The following MAPKAPK5 variants were observed in gnomAD, a reference collection of about 807,000 sequenced individuals.
MAPKAPK5 encodes the protein MAP kinase-activated protein kinase 5.
Under a neutral mutation model 65.1 loss-of-function variants are expected in MAPKAPK5, and 30 were observed. The observed-to-expected ratio is 0.46, with a 90% CI of 0.34 to 0.63. The LOEUF is 0.63. MAPKAPK5 is among the 20% of genes least tolerant of loss of function. MAPKAPK5 has a pLI of 0.01. For synonymous variants in MAPKAPK5, 179 were observed against 204.6 expected, an observed-to-expected ratio of 0.87 and a Z score of 1.07; for missense variants, 433 against 581.4, an observed-to-expected ratio of 0.74 and a Z score of 2.63.
intron 3 of MAPKAPK5, 108 bp from the exon 4 acceptor site, chr12:111,867,464 A>G: frequency 1.4e-6 from 1 of 707,366 alleles, no homozygotes; most frequent in Non-Finnish European, 2.4e-6. Flanking sequence ...CATCATTCTA[A>G]GTGATAAAGT....
At position 111,842,661 on chromosome 12, in the gene MAPKAPK5, G is replaced by A. The variant is rs1271185799; in HGVS notation, c.-73G>A. The A allele has an allele frequency of 2.5e-6, 3 of 1,191,114 alleles. No individual in the cohort carries two copies. The highest frequency in any genetic ancestry group is 1.1e-6 in the Non-Finnish European group (1 of 921,674). The allele number at this position is 1,191,114 out of a possible 1,614,324, so 73.8% of individuals were successfully genotyped here. On this transcript the variant is annotated 5_prime_UTR_variant, in exon 1 of 14. Transcript: ENST00000550735. The stretch of plus-strand genomic sequence containing the variant: ...CAGGGGCCCGAGTGCCGAGCCCTTT[G>A]CTCCCTCGGCCGCGCGGGGACAGGG...
chr12:111,881,401 TCC>T (rs1566266445), intron 8 of MAPKAPK5, among the ~76,000 whole-genome samples: 17 of 107,940 alleles, frequency 1.6e-4, no homozygotes, highest in East Asian at 1.6e-3. Context: ...TCCTGTCTGT[TCC>T]TTTTTTTTTT....
chr12:111,900,391 A>G lies in MAPKAPK5; in HGVS notation c.*7330A>G, dbSNP rs1161262560. Reference sequence around the variant, plus strand: ...CTCGGGCACAACCTGGGTATTCAGCACGACCACTCGGCCTGCTTTTGTAAA... The same window carrying G: ...CTCGGGCACAACCTGGGTATTCAGCGCGACCACTCGGCCTGCTTTTGTAAA... On this transcript the variant is annotated 3_prime_UTR_variant, in exon 14 of 14. Coordinates refer to ENST00000550735, the MANE Select transcript of MAPKAPK5 (RefSeq NM_003668.4). 1.1e-5 allele frequency: 5 copies of G among 455,956 alleles called. No homozygotes were observed. Among genetic ancestry groups the G allele is most frequent in the Non-Finnish European group, 2.2e-5 (5 of 226,796 alleles). 28.2% of individuals were successfully genotyped at this position (455,956 alleles called of 1,614,324 possible).
chr12:111,862,368 CTT>C lies in MAPKAPK5; in HGVS notation c.37-2880_37-2879del. 1.3e-5 allele frequency among the ~76,000 whole-genome samples: 2 copies of C among 152,300 alleles called. 1 individual carries two copies. Among genetic ancestry groups the C allele is most frequent in the Middle Eastern group, 6.8e-3 (2 of 294 alleles). ...CCAATCAGAGTCTCTACAAGTTGAA[CTT>C]TCTTGGCTGTCCATCAGGTAGAGTA... On this transcript the variant is annotated intron_variant, in intron 1 of 13. Transcript: ENST00000550735.
At chr12:111,859,524 C>CA (rs1211323963) in intron 1 of MAPKAPK5, among the ~76,000 whole-genome samples, 2 of 152,108 alleles carry the variant, frequency 1.3e-5, no homozygotes, top group African/African-American at 2.4e-5. Context: ...CTTGGCCTCC[C>CA]AAGTGCTGGG....
chr12:111,866,121 A>G, intron 2 of MAPKAPK5, 35 bp from the exon 3 acceptor site: 1 of 1,468,508 alleles, frequency 6.8e-7, no homozygotes, highest in Non-Finnish European at 9.4e-7. Context: ...TCTAACATAT[A>G]TGATCTCTGA....
chr12:111,867,534 C>T (rs2136108171), intron 3 of MAPKAPK5, 38 bp from the exon 4 acceptor site: 1 of 1,483,786 alleles, frequency 6.7e-7, no homozygotes, highest in South Asian at 1.1e-5. Context: ...ATGTTGGTAT[C>T]CCCTACCTAT....
At chr12:111,847,312 T>C (rs57046217) in intron 1 of MAPKAPK5, among the ~76,000 whole-genome samples, 31,437 of 149,574 alleles carry the variant, frequency 0.21, 3,707 homozygotes, top group African/African-American at 0.32. Flanking sequence ...TGCTCCACTG[T>C]ACTCCAGCCT....
chr12:111,889,349 C>G (rs1214441107), intron 12 of MAPKAPK5: 1 of 232,018 alleles, frequency 4.3e-6, no homozygotes, highest in African/African-American at 2.3e-5. Context: ...TGGGTAGGGT[C>G]TGAATCTCAT....
At position 111,885,903 on chromosome 12, in the gene MAPKAPK5, G is replaced by A. The variant is rs765288642; in HGVS notation, c.849-13G>A. 7 of 1,613,778 alleles carry A rather than the reference G, an allele frequency of 4.3e-6. No homozygotes were observed. Among genetic ancestry groups the A allele is most frequent in the East Asian group, 4.5e-5 (2 of 44,878 alleles). On this transcript the variant is annotated splice_polypyrimidine_tract_variant and intron_variant, in intron 9 of 13. Transcript: ENST00000550735. Reference sequence around the variant, plus strand: ...AACTGTGCATGGCAGCCCTGTTGGCGTTTTCTCCACAGGCTCCTGAAGGTC... The same window carrying A: ...AACTGTGCATGGCAGCCCTGTTGGCATTTTCTCCACAGGCTCCTGAAGGTC...
Position 111,901,211 on chromosome 12 carries a change from G to A in MAPKAPK5, c.*8150G>A, listed in dbSNP as rs12321677. 0.18 allele frequency: 83,099 copies of A among 455,856 alleles called. 8,125 individuals carry two copies. The highest frequency in any genetic ancestry group is 0.3 in the Middle Eastern group (914 of 3,070). The allele number at this position is 455,856 out of a possible 1,614,324, so 28.2% of individuals were successfully genotyped here. On this transcript the variant is annotated 3_prime_UTR_variant, in exon 14 of 14. Transcript: ENST00000550735. ...ACTGTGCACCAAACAAAGTCTGCCT[G>A]AATTCCGCCTGCACAGATAAAACCC...
chr12:111,891,268 AT>A (rs762982308), intron 13 of MAPKAPK5, among the ~76,000 whole-genome samples: 598 of 132,870 alleles, frequency 4.5e-3, no homozygotes, highest in Non-Finnish European at 4.9e-3. Flanking sequence ...TAATTTTTGT[AT>A]TTTTTTTTTT....
In MAPKAPK5 at chr12:111,895,980, C is replaced by G. The variant is rs1185228148; in HGVS notation, c.*2919C>G. 1 of 152,100 alleles carries G rather than the reference C, an allele frequency of 6.6e-6. No homozygotes were observed. The highest frequency in any genetic ancestry group is 1.5e-5 in the Non-Finnish European group (1 of 68,034). The allele number at this position is 152,100 out of a possible 1,614,324, so 9.4% of individuals were successfully genotyped here. A position where few individuals can be genotyped will look rare whatever the true frequency, so the allele number is the denominator to read the frequency against. On this transcript the variant is annotated 3_prime_UTR_variant, in exon 14 of 14. Transcript: ENST00000550735. ...TGCAAATCTTACAGATCACTTCTTA[C>G]AGTTAGGAATACTGCACTTGTTTGT...
intron 9 of MAPKAPK5, among the ~76,000 whole-genome samples, chr12:111,884,019 A>G (rs1233448796): frequency 6.6e-6 from 1 of 152,214 alleles, no homozygotes; most frequent in Non-Finnish European, 1.5e-5. Flanking sequence ...CTCCATAGGC[A>G]GTCTCTGCAC....
chr12:111,899,715 G>A lies in MAPKAPK5; in HGVS notation c.*6654G>A, dbSNP rs1024847562. ...TGACTGCCACTATGAAGGCTACATA[G>A]AAGGAGTGTCAGGTTCTTTTGTTTC... On this transcript the variant is annotated 3_prime_UTR_variant, in exon 14 of 14. Coordinates refer to ENST00000550735, the MANE Select transcript of MAPKAPK5 (RefSeq NM_003668.4). The A allele has an allele frequency of 6.2e-6, 2 of 323,586 alleles. No homozygotes were observed. Among genetic ancestry groups the A allele is most frequent in the Non-Finnish European group, 1.2e-5 (2 of 160,998 alleles). The allele number at this position is 323,586 out of a possible 1,614,324, so 20.0% of individuals were successfully genotyped here.
intron 1 of MAPKAPK5, among the ~76,000 whole-genome samples, chr12:111,852,482 C>G (rs999823989): frequency 6.6e-6 from 1 of 152,134 alleles, no homozygotes; most frequent in Non-Finnish European, 1.5e-5. Flanking sequence ...CTATCTTACT[C>G]TATTGTAACA....
chr12:111,888,846 G>T (rs1431405158), intron 11 of MAPKAPK5, 39 bp from the exon 12 acceptor site: 4 of 1,606,024 alleles, frequency 2.5e-6, no homozygotes, highest in Non-Finnish European at 3.4e-6. Flanking sequence ...GGTTTTTGGG[G>T]TCTCACGTTG....
At chr12:111,843,728 AATC>A (rs1235587220) in intron 1 of MAPKAPK5, among the ~76,000 whole-genome samples, 8 of 152,236 alleles carry the variant, frequency 5.3e-5, no homozygotes, top group Non-Finnish European at 2.9e-5. Context: ...AGTTTCTCAA[AATC>A]ATCAAGTCAT....
In MAPKAPK5 at chr12:111,898,028, C is replaced by G. The variant is rs2070879122; in HGVS notation, c.*4967C>G. ...ACACCAAGGAAATTGACATCAAAAC[C>G]AAATTCAAGGACTTCCACAGACATT... On this transcript the variant is annotated 3_prime_UTR_variant, in exon 14 of 14. Transcript: ENST00000550735. The G allele has an allele frequency of 6.6e-6, 1 of 152,044 alleles. No homozygotes were observed. Among genetic ancestry groups the G allele is most frequent in the Non-Finnish European group, 1.5e-5 (1 of 67,964 alleles). 9.4% of individuals were successfully genotyped at this position (152,044 alleles called of 1,614,324 possible). A position where few individuals can be genotyped will look rare whatever the true frequency, so the allele number is the denominator to read the frequency against.
Sources: allele counts gnomAD v4.1 joint callset (sites outside exome capture counted in the v4.1 genomes callset), GRCh38; gene constraint gnomAD v4.1.1; transcripts MANE v1.5; gene names NCBI Gene and HGNC (gene_info 2026-07-23, HGNC 2026-07-21).